The following RGS6 variants were observed in gnomAD, a reference collection of about 807,000 sequenced individuals.
RGS6 encodes regulator of G-protein signaling 6.
RGS6 carries 30 observed loss-of-function variants against 78.5 expected under a neutral mutation model. The observed-to-expected ratio is 0.38, with a 90% CI of 0.29 to 0.52. RGS6 has a LOEUF of 0.52. Among genes scored for constraint, RGS6 ranks in the 20% least tolerant of loss-of-function variants. The probability of loss-of-function intolerance (pLI) is 0.85; values close to 1 mark genes in which losing one functional copy is unlikely to be tolerated. For synonymous variants in RGS6, 206 were observed against 206.0 expected, an observed-to-expected ratio of 1.00 and a Z score of 0.00; for missense variants, 495 against 609.7, an observed-to-expected ratio of 0.81 and a Z score of 1.98.
At position 72,394,254 on chromosome 14, in the gene RGS6, G is replaced by A. The variant is rs147088446; in HGVS notation, c.184+42060G>A. ...CGGCAGGTTCTGTGATGCCCCCTAA[G>A]CCACAAAACCAGCAGGTTTTTACTA... On this transcript the variant is annotated intron_variant, in intron 3 of 17. Coordinates refer to ENST00000553525, the MANE Select transcript of RGS6 (RefSeq NM_001204424.2). 1.1e-4 allele frequency among the ~76,000 whole-genome samples: 17 copies of A among 152,254 alleles called. No homozygotes were observed. In the East Asian group the frequency reaches 3.3e-3, roughly 29 times the overall value.
chr14:72,377,661 A>C (rs2332832), intron 3 of RGS6, among the ~76,000 whole-genome samples: 61,078 of 151,944 alleles, frequency 0.4, 12,490 homozygotes, highest in South Asian at 0.57. Flanking sequence ...ACACAAAACA[A>C]ATCTCAAAAA....
chr14:72,446,409 G>A (rs542212533), intron 3 of RGS6, among the ~76,000 whole-genome samples: 25 of 152,294 alleles, frequency 1.6e-4, no homozygotes, highest in African/African-American at 3.8e-4. Flanking sequence ...AAAGAACCTT[G>A]TTCTCTTGAC....
At chr14:72,269,975 G>A (rs1159960104) in intron 2 of RGS6, among the ~76,000 whole-genome samples, 2 of 152,310 alleles carry the variant, frequency 1.3e-5, no homozygotes, top group East Asian at 3.9e-4. Flanking sequence ...CTGCCCTCAG[G>A]AAGTTTACGT....
chr14:72,275,423 G>A lies in RGS6; in HGVS notation c.85-76672G>A, dbSNP rs116752316. Among the ~76,000 whole-genome samples the A allele has an allele frequency of 3.2e-3, 492 of 152,240 alleles. 1 individual carries two copies. The highest frequency in any genetic ancestry group is 0.011 in the African/African-American group (469 of 41,546). ...AAGTATACACTGGAAGATTGGGTAC[G>A]AAGATCAAAAGACAGCTCTACAACA... is the stretch of plus-strand genomic sequence containing the variant. On this transcript the variant is annotated intron_variant, in intron 2 of 17. Transcript: ENST00000553525.
At chr14:72,390,090 C>A (rs369447333) in intron 3 of RGS6, among the ~76,000 whole-genome samples, 1 of 117,408 alleles carries the variant, frequency 8.5e-6, no homozygotes, top group Non-Finnish European at 1.7e-5. Flanking sequence ...AGCTATAGTT[C>A]TTTTTTTTTT....
rs577107675 is a variant in RGS6, at chr14:72,258,547, A to C, written c.85-93548A>C. ...CAAGTCTGGGTTGCGTCTGAATTTGAAATCTCTACTATGAGACTGTATTGT... is the reference window on the plus strand; with the variant it reads ...CAAGTCTGGGTTGCGTCTGAATTTGCAATCTCTACTATGAGACTGTATTGT... On this transcript the variant is annotated intron_variant, in intron 2 of 17. Transcript: ENST00000553525. 2.0e-5 allele frequency among the ~76,000 whole-genome samples: 3 copies of C among 152,318 alleles called. No individual in the cohort carries two copies. The East Asian group carries it at 5.8e-4, about 29-fold the overall frequency.
chr14:72,621,448 A>G, the RGS6 span, among the ~76,000 whole-genome samples: 2 of 152,154 alleles, frequency 1.3e-5, no homozygotes, highest in African/African-American at 4.8e-5. Context: ...CTTGGCCCCC[A>G]CCAGTGCAGA....
At chr14:71,870,194 C>T in the RGS6 span, among the ~76,000 whole-genome samples, 1 of 152,160 alleles carries the variant, frequency 6.6e-6, no homozygotes, top group African/African-American at 2.4e-5. Context: ...CTCTACTGAG[C>T]TTTTTCTTTC....
In RGS6 at chr14:72,522,388, A is replaced by G. The variant is rs139988097; in HGVS notation, c.1278+3851A>G. 3.0e-3 allele frequency among the ~76,000 whole-genome samples: 459 copies of G among 152,344 alleles called. 2 individuals are homozygous for G. The highest frequency in any genetic ancestry group is 4.8e-3 in the Non-Finnish European group (324 of 68,032). Reference sequence around the variant, plus strand: ...ACAATATGAAATTTAGGGAGACACAACATTCATTCCACAACAGGGCGATTT... The same window carrying G: ...ACAATATGAAATTTAGGGAGACACAGCATTCATTCCACAACAGGGCGATTT... On this transcript the variant is annotated intron_variant, in intron 15 of 17. Coordinates refer to ENST00000553525, the MANE Select transcript of RGS6 (RefSeq NM_001204424.2).
At chr14:72,191,789 A>T (rs906464523) in intron 2 of RGS6, among the ~76,000 whole-genome samples, 4 of 152,172 alleles carry the variant, frequency 2.6e-5, no homozygotes, top group African/African-American at 9.7e-5. Context: ...AGCTCCATCC[A>T]TGCTGACTTT....
intron 2 of RGS6, among the ~76,000 whole-genome samples, chr14:72,225,127 A>G (rs539791348): frequency 6.6e-6 from 1 of 152,272 alleles, no homozygotes; most frequent in Non-Finnish European, 1.5e-5. Flanking sequence ...TAATAGGATT[A>G]TGTCTTACTA....
chr14:72,301,140 G>A (rs1461961944), intron 2 of RGS6, among the ~76,000 whole-genome samples: 1 of 152,150 alleles, frequency 6.6e-6, no homozygotes, highest in East Asian at 1.9e-4. Flanking sequence ...ATTCTTCTCC[G>A]AGTTTCAGAT....
At chr14:72,310,898 C>T (rs1354827830) in intron 2 of RGS6, among the ~76,000 whole-genome samples, 1 of 152,136 alleles carries the variant, frequency 6.6e-6, no homozygotes, top group African/African-American at 2.4e-5. Context: ...TCATAGGTAC[C>T]AGGATAATAT....
chr14:72,341,491 G>T (rs1360501411), intron 2 of RGS6, among the ~76,000 whole-genome samples: 1 of 152,178 alleles, frequency 6.6e-6, no homozygotes, highest in African/African-American at 2.4e-5. Flanking sequence ...CAAGTTTCCT[G>T]GAGGAAGTAG....
intron 2 of RGS6, among the ~76,000 whole-genome samples, chr14:72,214,505 A>G (rs1326472631): frequency 6.6e-6 from 1 of 152,206 alleles, no homozygotes; most frequent in East Asian, 1.9e-4. Flanking sequence ...CCAAAACGTG[A>G]TTGAGCTACA....
At chr14:72,063,813 A>G (rs1034272203) in intron 2 of RGS6, among the ~76,000 whole-genome samples, 1 of 152,032 alleles carries the variant, frequency 6.6e-6, no homozygotes, top group African/African-American at 2.4e-5. Flanking sequence ...TACTGTTATT[A>G]TCTTCTGCTT....
chr14:72,534,233 G>A (rs573576054), intron 15 of RGS6, among the ~76,000 whole-genome samples: 96 of 152,208 alleles, frequency 6.3e-4, no homozygotes, highest in Non-Finnish European at 9.4e-4. Flanking sequence ...ATGATCCTTA[G>A]CATTTTAACA....
At chr14:72,352,039 C>A in intron 2 of RGS6, 56 bp from the exon 3 acceptor site, 1 of 1,332,470 alleles carries the variant, frequency 7.5e-7, no homozygotes, top group South Asian at 1.3e-5. Flanking sequence ...AAAAAGGTAC[C>A]ATTTATAATT....
intron 2 of RGS6, among the ~76,000 whole-genome samples, chr14:72,137,856 A>G (rs978877657): frequency 6.6e-6 from 1 of 152,140 alleles, no homozygotes; most frequent in Non-Finnish European, 1.5e-5. Context: ...CATAGGCACA[A>G]TTGTTTAAAT....
Sources: allele counts gnomAD v4.1 joint callset (sites outside exome capture counted in the v4.1 genomes callset), GRCh38; gene constraint gnomAD v4.1.1; transcripts MANE v1.5; gene names NCBI Gene and HGNC (gene_info 2026-07-23, HGNC 2026-07-21).